Variants in PRKCB observed in about 807,000 individuals in gnomAD.
PRKCB encodes the protein protein kinase C beta type.
A neutral mutation model predicts 81.5 loss-of-function variants in PRKCB; 13 were observed. That is an observed-to-expected ratio of 0.16 (90% CI 0.10 to 0.25). The LOEUF (loss-of-function observed/expected upper bound fraction) is 0.25, where lower values mean the gene tolerates loss of function less well. Among genes scored for constraint, PRKCB ranks in the 10% least tolerant of loss-of-function variants. PRKCB has a pLI of 1.00. For synonymous variants in PRKCB, 335 were observed against 321.4 expected (o/e 1.04, Z -0.45); for missense variants, 509 against 875.7 (o/e 0.58, Z 5.29).
intron 3 of PRKCB, among the ~76,000 whole-genome samples, chr16:23,994,595 G>T (rs1448973811): frequency 1.3e-5 from 2 of 152,188 alleles, no homozygotes; most frequent in African/African-American, 2.4e-5. Flanking sequence ...CTCTTATTTG[G>T]CTTCTGCAGA....
At chr16:24,082,440 A>G (rs935678167) in intron 5 of PRKCB, among the ~76,000 whole-genome samples, 6 of 152,242 alleles carry the variant, frequency 3.9e-5, no homozygotes, top group Non-Finnish European at 8.8e-5. Context: ...TGGAAGAATT[A>G]CTGTACCCAA....
chr16:23,865,009 A>G (rs1214225610), intron 2 of PRKCB, among the ~76,000 whole-genome samples: 1 of 151,944 alleles, frequency 6.6e-6, no homozygotes, highest in Non-Finnish European at 1.5e-5. Flanking sequence ...TTCTGCATTA[A>G]TTTGCTTAGG....
rs552972200 is a variant in PRKCB at position 24,097,310 on chromosome 16, G to A, written c.821+3013G>A. ...CTTGGCCTCCCAAAGTGCTGGGATT[G>A]CAGGTGTGAGCCTCCGTGCCCAGCC... On this transcript the variant is annotated intron_variant, in intron 7 of 16. Transcript: ENST00000643927. 8.5e-5 allele frequency among the ~76,000 whole-genome samples: 13 copies of A among 152,150 alleles called. 1 individual carries two copies. The East Asian group carries it at 2.5e-3, about 29-fold the overall frequency.
Position 24,219,440 on chromosome 16 carries a change from G to A in PRKCB, c.*4624G>A. 9 of 986,180 alleles carry A rather than the reference G, an allele frequency of 9.1e-6. No individual in the cohort carries two copies. The highest frequency in any genetic ancestry group is 1.1e-5 in the Non-Finnish European group (9 of 830,586). 61.1% of individuals were successfully genotyped at this position (986,180 alleles called of 1,614,324 possible). ...GGTGGTCAATTCCTTTCATTAAGCA[G>A]TGATCTGATTTCTCCACATGGCCAT... On this transcript the variant is annotated 3_prime_UTR_variant, in exon 17 of 17. Transcript: ENST00000643927.
At chr16:24,128,213 A>T (rs940061192) in intron 9 of PRKCB, among the ~76,000 whole-genome samples, 2 of 152,156 alleles carry the variant, frequency 1.3e-5, no homozygotes, top group African/African-American at 4.8e-5. Flanking sequence ...TGTCTCTACT[A>T]AAAATACAAA....
Position 24,119,421 on chromosome 16 carries a change from C to T in PRKCB, c.919-4414C>T, listed in dbSNP as rs115555267. ...TCAGGAAGTTTGAGGTCCGTGCTCA[C>T]GTTTCATGGGGAGTGTGTGCTGGGA... On this transcript the variant is annotated intron_variant, in intron 8 of 16. Transcript: ENST00000643927. 9.0e-3 allele frequency among the ~76,000 whole-genome samples: 1,374 copies of T among 152,182 alleles called. 15 individuals carry two copies. Among genetic ancestry groups the T allele is most frequent in the African/African-American group, 0.031 (1,304 of 41,508 alleles).
At chr16:23,907,205 A>G (rs566071773) in intron 2 of PRKCB, among the ~76,000 whole-genome samples, 1 of 152,216 alleles carries the variant, frequency 6.6e-6, no homozygotes, top group African/African-American at 2.4e-5. Flanking sequence ...AATGTCTCCA[A>G]ACATTGCCCT....
chr16:24,117,403 G>T (rs538809311), intron 8 of PRKCB, among the ~76,000 whole-genome samples: 3 of 152,150 alleles, frequency 2.0e-5, no homozygotes, highest in Non-Finnish European at 4.4e-5. Flanking sequence ...TTTGGATGGC[G>T]CACAGTGGGA....
chr16:23,912,199 G>A (rs1858872), intron 2 of PRKCB, among the ~76,000 whole-genome samples: 86,376 of 151,722 alleles, frequency 0.57, 25,025 homozygotes, highest in Admixed American at 0.64. Context: ...AGAATCTACC[G>A]TTTAACCCTT....
chr16:24,184,169 T>G (rs1244123353), intron 13 of PRKCB, among the ~76,000 whole-genome samples: 1 of 152,202 alleles, frequency 6.6e-6, no homozygotes, highest in Non-Finnish European at 1.5e-5. Context: ...AAGGAAAACT[T>G]AAGTGAATAA....
At chr16:23,881,680 A>T (rs894405091) in intron 2 of PRKCB, among the ~76,000 whole-genome samples, 2 of 152,256 alleles carry the variant, frequency 1.3e-5, no homozygotes, top group African/African-American at 4.8e-5. Flanking sequence ...AAATCATGGT[A>T]AAAAACACAT....
At chr16:23,863,343 T>C (rs1469411888) in intron 2 of PRKCB, among the ~76,000 whole-genome samples, 1 of 151,516 alleles carries the variant, frequency 6.6e-6, no homozygotes, top group Non-Finnish European at 1.5e-5. Flanking sequence ...CCCCCTACTC[T>C]GTCTATGGAG....
At chr16:23,990,745 C>G (rs1964876336) in intron 3 of PRKCB, among the ~76,000 whole-genome samples, 1 of 152,030 alleles carries the variant, frequency 6.6e-6, no homozygotes, top group African/African-American at 2.4e-5. Flanking sequence ...ATAGGTTTTC[C>G]CTATGTTGCC....
intron 2 of PRKCB, among the ~76,000 whole-genome samples, chr16:23,966,123 C>T (rs1964483800): frequency 1.3e-5 from 2 of 152,320 alleles, no homozygotes; most frequent in East Asian, 1.9e-4. Context: ...GGAACGTCTG[C>T]GCAAAGTGGC....
At chr16:24,147,026 T>C (rs1036652271) in intron 9 of PRKCB, among the ~76,000 whole-genome samples, 1 of 152,106 alleles carries the variant, frequency 6.6e-6, no homozygotes, top group Non-Finnish European at 1.5e-5. Flanking sequence ...TCACAGCATA[T>C]GGCCGGGCGC....
At chr16:24,133,073 T>C (rs966931054) in intron 9 of PRKCB, among the ~76,000 whole-genome samples, 1 of 152,128 alleles carries the variant, frequency 6.6e-6, no homozygotes, top group Non-Finnish European at 1.5e-5. Flanking sequence ...CATCTTTCCC[T>C]CTAAGTGCTA....
At chr16:24,005,029 C>T (rs1224727244) in intron 3 of PRKCB, among the ~76,000 whole-genome samples, 3 of 152,116 alleles carry the variant, frequency 2.0e-5, no homozygotes, top group Non-Finnish European at 4.4e-5. Flanking sequence ...GATTCAGTGT[C>T]ACAGTGTCTG....
chr16:23,891,189 A>G (rs1471675557), intron 2 of PRKCB, among the ~76,000 whole-genome samples: 7 of 151,978 alleles, frequency 4.6e-5, no homozygotes, highest in Non-Finnish European at 1.0e-4. Flanking sequence ...GGCATGTGCC[A>G]CCATACCCAG....
At chr16:24,072,209 A>G (rs553142487) in intron 5 of PRKCB, among the ~76,000 whole-genome samples, 2 of 152,112 alleles carry the variant, frequency 1.3e-5, no homozygotes, top group African/African-American at 2.4e-5. Flanking sequence ...CCCCATACTG[A>G]TTAAGCAGTG....
Sources: gnomAD v4.1 joint callset for allele counts (sites outside exome capture counted in the v4.1 genomes callset) on GRCh38, gnomAD v4.1.1 for gene constraint, MANE v1.5 for transcripts, NCBI Gene and HGNC (gene_info 2026-07-23, HGNC 2026-07-21) for gene names.